Variants in SHQ1 observed in about 807,000 individuals in gnomAD.
SHQ1 encodes protein SHQ1 homolog.
SHQ1 carries 49 observed loss-of-function variants against 53.8 expected under a neutral mutation model. The observed-to-expected ratio is 0.91, with a 90% CI of 0.72 to 1.16. The LOEUF is 1.16. Ranked by LOEUF, SHQ1 falls within the 50% of genes most tolerant of loss-of-function variation. The probability of loss-of-function intolerance (pLI) is 0.00; values close to 1 mark genes in which losing one functional copy is unlikely to be tolerated. For missense variants in SHQ1, 738 were observed against 683.1 expected (o/e 1.08, Z -0.90); for synonymous variants, 243 against 251.0 (o/e 0.97, Z 0.30).
chr3:72,846,286 A>T, intron 1 of SHQ1: 1 of 1,531,914 alleles, frequency 6.5e-7, no homozygotes, highest in Non-Finnish European at 8.7e-7. Context: ...TTGGTATAGC[A>T]AACTGTATGT....
At chr3:72,781,713 C>G (rs1706078012) in intron 10 of SHQ1, among the ~76,000 whole-genome samples, 1 of 152,042 alleles carries the variant, frequency 6.6e-6, no homozygotes, top group South Asian at 2.1e-4. Flanking sequence ...GTGTATGACT[C>G]TCTTTGAAAA....
the SHQ1 span, among the ~76,000 whole-genome samples, chr3:72,741,221 G>A: frequency 2.0e-5 from 3 of 152,176 alleles, no homozygotes; most frequent in South Asian, 6.2e-4. Context: ...AATCCAGTCA[G>A]CTAAGAGCAG....
At chr3:72,733,799 T>C in the SHQ1 span, among the ~76,000 whole-genome samples, 2 of 151,548 alleles carry the variant, frequency 1.3e-5, 1 homozygote, top group African/African-American at 4.9e-5. Context: ...CCCTTTAAAA[T>C]AAAATGTAAG....
chr3:72,846,131 G>C, intron 1 of SHQ1: 1 of 1,330,246 alleles, frequency 7.5e-7, no homozygotes, highest in Non-Finnish European at 1.0e-6. Flanking sequence ...CAGAAAATGT[G>C]AGCTATTATT....
intron 1 of SHQ1, among the ~76,000 whole-genome samples, chr3:72,845,564 G>A (rs942979611): frequency 1.3e-5 from 2 of 151,956 alleles, no homozygotes; most frequent in Non-Finnish European, 2.9e-5. Context: ...CTTCCACTGA[G>A]GCTCCAAAAT....
intron 1 of SHQ1, among the ~76,000 whole-genome samples, chr3:72,847,766 C>T (rs190068438): frequency 2.0e-5 from 3 of 152,134 alleles, no homozygotes; most frequent in Admixed American, 2.0e-4. Context: ...CAACAGAAGG[C>T]GGCCTGGGCA....
rs1705331487 is a variant in SHQ1 at position 72,750,057 on chromosome 3, T to C, written c.*227A>G. On this transcript the variant is annotated 3_prime_UTR_variant, in exon 11 of 11. Transcript: ENST00000325599. ...GGAAATAGTTGTCATACTGTATTATTTAGAGAATAATAACAAGAAAAAAGT... is the reference window on the plus strand; with the variant it reads ...GGAAATAGTTGTCATACTGTATTATCTAGAGAATAATAACAAGAAAAAAGT... 1 of 530,196 alleles carries C rather than the reference T, an allele frequency of 1.9e-6. No individual in the cohort carries two copies. Among genetic ancestry groups the C allele is most frequent in the Admixed American group, 3.7e-5 (1 of 27,310 alleles). 32.8% of individuals were successfully genotyped at this position (530,196 alleles called of 1,614,324 possible). A position where few individuals can be genotyped will look rare whatever the true frequency, so the allele number is the denominator to read the frequency against.
At chr3:72,839,389 C>A (rs1182342495) in intron 4 of SHQ1, among the ~76,000 whole-genome samples, 1 of 152,192 alleles carries the variant, frequency 6.6e-6, no homozygotes, top group Non-Finnish European at 1.5e-5. Context: ...AGAAAAACAC[C>A]TAAGTTTTTA....
chr3:72,780,628 A>G (rs1212346996), intron 10 of SHQ1, among the ~76,000 whole-genome samples: 1 of 152,224 alleles, frequency 6.6e-6, no homozygotes, highest in Non-Finnish European at 1.5e-5. Flanking sequence ...TGACATCCAC[A>G]AAGAACATCT....
chr3:72,833,497 GATAGACAGACAGA>G (rs1707895947), intron 4 of SHQ1, among the ~76,000 whole-genome samples: 1 of 25,180 alleles, frequency 4.0e-5, no homozygotes. Context: ...TAGATAGATA[GATAGACAGACAGA>G]CAGACAGATA....
chr3:72,763,022 TACACACAC>T (rs35278618), intron 10 of SHQ1, among the ~76,000 whole-genome samples: 5,071 of 132,680 alleles, frequency 0.038, 119 homozygotes, highest in East Asian at 0.086. Context: ...CATCTTGTTT[TACACACAC>T]ACACACACAC....
chr3:72,837,159 G>A (rs903719341), intron 4 of SHQ1, among the ~76,000 whole-genome samples: 4 of 152,146 alleles, frequency 2.6e-5, no homozygotes, highest in African/African-American at 9.7e-5. Context: ...TGAGCAGCTA[G>A]GGCAGTTTTC....
At chr3:72,810,918 T>G (rs758295524) in intron 9 of SHQ1, among the ~76,000 whole-genome samples, 1 of 152,196 alleles carries the variant, frequency 6.6e-6, no homozygotes, top group Non-Finnish European at 1.5e-5. Context: ...AGGCCTCCAG[T>G]GTGTTACTTC....
intron 9 of SHQ1, among the ~76,000 whole-genome samples, chr3:72,806,470 T>C (rs746381931): frequency 2.0e-5 from 3 of 152,120 alleles, no homozygotes; most frequent in Non-Finnish European, 4.4e-5. Flanking sequence ...AAGAACAATT[T>C]AGAATAGGAG....
chr3:72,839,198 T>C (rs1391180123), intron 4 of SHQ1, among the ~76,000 whole-genome samples: 3 of 152,206 alleles, frequency 2.0e-5, no homozygotes, highest in Non-Finnish European at 4.4e-5. Flanking sequence ...TTTATTATCA[T>C]TCATGTACAG....
chr3:72,785,571 T>TTAAC (rs1451336431), intron 10 of SHQ1, among the ~76,000 whole-genome samples: 2 of 152,210 alleles, frequency 1.3e-5, no homozygotes, highest in Admixed American at 1.3e-4. Context: ...CCCTGAAATG[T>TTAAC]TAACAGTAGA....
intron 9 of SHQ1, among the ~76,000 whole-genome samples, chr3:72,797,179 A>AC (rs1706652024): frequency 6.6e-6 from 1 of 151,988 alleles, no homozygotes; most frequent in African/African-American, 2.4e-5. Flanking sequence ...AATCACTTAA[A>AC]CCCAGGAGGC....
chr3:72,812,523 C>A lies in SHQ1; in HGVS notation c.1060+148G>T, dbSNP rs538469917. 2.5e-4 allele frequency: 204 copies of A among 806,356 alleles called. 1 individual carries two copies. In the East Asian group the frequency reaches 4.3e-3, roughly 17 times the overall value. 50.0% of individuals were successfully genotyped at this position (806,356 alleles called of 1,614,324 possible). A position where few individuals can be genotyped will look rare whatever the true frequency, so the allele number is the denominator to read the frequency against. On this transcript the variant is annotated intron_variant, in intron 9 of 10. Transcript: ENST00000325599. ...TACTTATCTACATATGTCTTATACA[C>A]AGGAATTCTATACTTTAAAAGTGGT...
Position 72,844,373 on chromosome 3 carries a change from T to C in SHQ1, c.194A>G (p.Tyr65Cys), listed in dbSNP as rs947474362. The C allele has an allele frequency of 5.0e-6, 8 of 1,613,756 alleles. No homozygotes were observed. The highest frequency in any genetic ancestry group is 1.3e-5 in the African/African-American group (1 of 75,038). Residue 65 changes from tyrosine to cysteine, a missense_variant, in exon 2 of 11, where the codon TAT becomes TGT. Tyr to Cys is a radical substitution (Grantham distance 194). Coordinates refer to ENST00000325599, the MANE Select transcript of SHQ1 (RefSeq NM_018130.3). The part of the protein sequence containing the change: ...IVENGSEQGS[Y>C]DADKGIFTIR... ...AAAGACAATACCTTTATCTGCATCA[T>C]AGGACCCTTGCTCACTTCCATTTTC...
Sources: allele counts gnomAD v4.1 joint callset (sites outside exome capture counted in the v4.1 genomes callset), GRCh38; gene constraint gnomAD v4.1.1; transcripts MANE v1.5; gene names NCBI Gene and HGNC (gene_info 2026-07-23, HGNC 2026-07-21).